CNTN3: variants seen among roughly 807,000 people sequenced by gnomAD.
CNTN3 encodes contactin-3.
CNTN3 carries 60 observed loss-of-function variants against 119.1 expected under a neutral mutation model. The observed-to-expected ratio is 0.50, with a 90% CI of 0.41 to 0.62. CNTN3 has a LOEUF of 0.62. Ranked by LOEUF, CNTN3 falls within the 20% of genes least tolerant of loss-of-function variation. The probability of loss-of-function intolerance (pLI) is 0.00; values close to 1 mark genes in which losing one functional copy is unlikely to be tolerated. For missense variants in CNTN3, 1,101 were observed against 1,242.4 expected (o/e 0.89, Z 1.71); for synonymous variants, 450 against 438.7 (o/e 1.03, Z -0.32).
intron 4 of CNTN3, among the ~76,000 whole-genome samples, chr3:74,467,379 A>C (rs1702483994): frequency 2.0e-5 from 3 of 152,142 alleles, no homozygotes; most frequent in African/African-American, 7.2e-5. Context: ...GGGGAAGGAA[A>C]AATCCTCCAA....
chr3:74,298,906 AGG>A lies in CNTN3; in HGVS notation c.2167-717_2167-716del, dbSNP rs11353959. Among the ~76,000 whole-genome samples, 7 of 72,904 alleles carry A rather than the reference AGG, an allele frequency of 9.6e-5. 1 individual carries two copies. Among genetic ancestry groups the A allele is most frequent in the African/African-American group, 3.8e-4 (7 of 18,570 alleles). 47.8% of individuals were successfully genotyped at this position (72,904 alleles called of 152,430 possible). ...CCATCAAGGAAAAAAAAAAAAAAAAAGGGAAGTAAATACTAATTTATAAATTA... is the reference window on the plus strand; with the variant it reads ...CCATCAAGGAAAAAAAAAAAAAAAAAGAAGTAAATACTAATTTATAAATTA... On this transcript the variant is annotated intron_variant, in intron 17 of 22. Coordinates refer to ENST00000263665, the MANE Select transcript of CNTN3 (RefSeq NM_020872.3).
At chr3:74,579,611 G>A (rs1704471413) in intron 1 of CNTN3, among the ~76,000 whole-genome samples, 1 of 151,940 alleles carries the variant, frequency 6.6e-6, no homozygotes, top group African/African-American at 2.4e-5. Context: ...AAATAACAAA[G>A]GGTAAACTGA....
intron 13 of CNTN3, among the ~76,000 whole-genome samples, chr3:74,319,460 A>C (rs917362392): frequency 1.8e-4 from 27 of 152,208 alleles, no homozygotes; most frequent in African/African-American, 4.3e-4. Context: ...ACTGGCTAGC[A>C]ATATGTAGAA....
chr3:74,391,633 C>G (rs1317233414), intron 5 of CNTN3, among the ~76,000 whole-genome samples: 1 of 122,372 alleles, frequency 8.2e-6, no homozygotes, highest in Non-Finnish European at 1.6e-5. Context: ...GCTGCATGTT[C>G]TTGGCTCACT....
chr3:74,579,733 C>T (rs993669445), intron 1 of CNTN3, among the ~76,000 whole-genome samples: 3 of 151,746 alleles, frequency 2.0e-5, no homozygotes, highest in African/African-American at 7.3e-5. Flanking sequence ...GAAAACACAA[C>T]ATATAAAAAT....
chr3:74,428,585 T>C lies in CNTN3; in HGVS notation c.359-3645A>G, dbSNP rs141114442. 2.1e-3 allele frequency among the ~76,000 whole-genome samples: 314 copies of C among 152,346 alleles called. 2 individuals carry two copies. The highest frequency in any genetic ancestry group is 7.2e-3 in the African/African-American group (298 of 41,572). ...AATGTGTGTTTTAAGCTAAGTGTTA[T>C]TATGGGTCAAAATTCATAAAACATT... On this transcript the variant is annotated intron_variant, in intron 4 of 22. Transcript: ENST00000263665.
intron 4 of CNTN3, among the ~76,000 whole-genome samples, chr3:74,432,172 A>G (rs149209876): frequency 1.3e-5 from 2 of 152,186 alleles, no homozygotes; most frequent in Non-Finnish European, 2.9e-5. Context: ...GCTGCCAATA[A>G]AAGAAATTTG....
chr3:74,353,549 G>A (rs1422825329), intron 11 of CNTN3, among the ~76,000 whole-genome samples: 1 of 152,188 alleles, frequency 6.6e-6, no homozygotes, highest in African/African-American at 2.4e-5. Context: ...GAGGTCAGGA[G>A]ATCGAGACCA....
intron 4 of CNTN3, among the ~76,000 whole-genome samples, chr3:74,442,735 G>A (rs747136979): frequency 3.9e-5 from 6 of 152,168 alleles, no homozygotes; most frequent in Non-Finnish European, 8.8e-5. Context: ...CATTTAATTG[G>A]ATCTTACTAA....
chr3:74,390,460 A>T (rs1247872332), intron 5 of CNTN3, among the ~76,000 whole-genome samples: 3 of 148,510 alleles, frequency 2.0e-5, no homozygotes, highest in South Asian at 2.1e-4. Context: ...TCTTCCTTCC[A>T]TCAGGCCCCA....
intron 1 of CNTN3, among the ~76,000 whole-genome samples, chr3:74,535,802 C>G (rs942260428): frequency 6.6e-6 from 1 of 152,016 alleles, no homozygotes; most frequent in South Asian, 2.1e-4. Flanking sequence ...TAGCAAGCCA[C>G]GTTTTGAAGT....
chr3:74,340,763 C>A (rs1000323359), intron 11 of CNTN3, among the ~76,000 whole-genome samples: 21 of 152,108 alleles, frequency 1.4e-4, no homozygotes, highest in African/African-American at 5.1e-4. Context: ...GGATCTACCA[C>A]TTCTATGATT....
chr3:74,610,153 T>C (rs1238365089), intron 1 of CNTN3, among the ~76,000 whole-genome samples: 1 of 151,864 alleles, frequency 6.6e-6, no homozygotes, highest in Admixed American at 6.6e-5. Context: ...TGAATTCCCA[T>C]CTCTACAAAA....
At position 74,503,947 on chromosome 3, in the gene CNTN3, G is replaced by T. The variant is rs148697357; in HGVS notation, c.56-4162C>A. Among the ~76,000 whole-genome samples the T allele has an allele frequency of 2.7e-3, 405 of 152,172 alleles. 1 individual carries two copies. The highest frequency in any genetic ancestry group is 9.3e-3 in the African/African-American group (388 of 41,522). On this transcript the variant is annotated intron_variant, in intron 2 of 22. Transcript: ENST00000263665. ...CAGGCAACAAGGAATAACTGCCTTT[G>T]AATGTAAGTACAAGCTTTATGAGCT... is the stretch of plus-strand genomic sequence containing the variant.
At chr3:74,543,007 A>T (rs1039200293) in intron 1 of CNTN3, among the ~76,000 whole-genome samples, 2 of 152,086 alleles carry the variant, frequency 1.3e-5, no homozygotes, top group African/African-American at 4.8e-5. Flanking sequence ...CCTGTAGTGT[A>T]GTCCCAGCTA....
intron 12 of CNTN3, 33 bp downstream of exon 12, chr3:74,336,498 G>C: frequency 1.9e-6 from 3 of 1,605,728 alleles, no homozygotes; most frequent in Non-Finnish European, 2.6e-6. Flanking sequence ...CAGTGAATCC[G>C]TATGTAAAGC....
intron 1 of CNTN3, among the ~76,000 whole-genome samples, chr3:74,606,233 AG>A (rs1362206522): frequency 6.6e-6 from 1 of 152,160 alleles, no homozygotes; most frequent in Non-Finnish European, 1.5e-5. Context: ...GAAGCAGCAG[AG>A]GAAGAAGAGA....
chr3:74,366,780 G>A (rs2323488), intron 8 of CNTN3, among the ~76,000 whole-genome samples: 3,127 of 63,208 alleles, frequency 0.049, 158 homozygotes, highest in African/African-American at 0.09. Flanking sequence ...GTGTGTGTGT[G>A]TATATATATA....
chr3:74,482,396 T>A (rs1702778139), intron 4 of CNTN3, among the ~76,000 whole-genome samples: 1 of 151,982 alleles, frequency 6.6e-6, no homozygotes. Flanking sequence ...TTTAAAATAA[T>A]AAATCATTCA....
Sources: gnomAD v4.1 joint callset for allele counts (sites outside exome capture counted in the v4.1 genomes callset) on GRCh38, gnomAD v4.1.1 for gene constraint, MANE v1.5 for transcripts, NCBI Gene and HGNC (gene_info 2026-07-23, HGNC 2026-07-21) for gene names.